The following NDUFA10 variants were observed in gnomAD, a reference collection of about 807,000 sequenced individuals.
The protein encoded by NDUFA10 is NADH dehydrogenase [ubiquinone] 1 alpha subcomplex subunit 10, mitochondrial.
Under a neutral mutation model 47.8 loss-of-function variants are expected in NDUFA10, and 40 were observed. That is an observed-to-expected ratio of 0.84 (90% CI 0.65 to 1.09). The LOEUF (loss-of-function observed/expected upper bound fraction) is 1.09. Ranked by LOEUF, NDUFA10 falls within the 50% of genes least tolerant of loss-of-function variation. The pLI, the probability that NDUFA10 is intolerant of heterozygous loss-of-function variation, is 0.00. For missense variants in NDUFA10, 413 were observed against 451.1 expected, an observed-to-expected ratio of 0.92 and a Z score of 0.76; for synonymous variants, 183 against 172.2, an observed-to-expected ratio of 1.06 and a Z score of -0.49.
At chr2:239,897,627 C>A (rs1290127716) in intron 4 of NDUFA10, among the ~76,000 whole-genome samples, 1 of 152,242 alleles carries the variant, frequency 6.6e-6, no homozygotes, top group Admixed American at 6.5e-5. Context: ...GAGTCCCAGG[C>A]TTCCGGATTC....
chr2:239,914,598 C>A (rs1430669435), intron 4 of NDUFA10, among the ~76,000 whole-genome samples: 1 of 139,772 alleles, frequency 7.2e-6, no homozygotes, highest in Non-Finnish European at 1.5e-5. Flanking sequence ...CATACATAGA[C>A]ACACACAAAT....
intron 4 of NDUFA10, among the ~76,000 whole-genome samples, chr2:239,900,303 T>TGTAA (rs1693519653): frequency 9.1e-6 from 1 of 110,236 alleles, no homozygotes; most frequent in Non-Finnish European, 2.0e-5. Flanking sequence ...TACTCCTTAA[T>TGTAA]GAACTCCCCT....
chr2:239,997,516 T>G (rs1033012917), intron 8 of NDUFA10, among the ~76,000 whole-genome samples: 1 of 152,228 alleles, frequency 6.6e-6, no homozygotes, highest in Admixed American at 6.5e-5. Context: ...CAAGTATGAA[T>G]ACTGGTACAC....
chr2:239,950,726 G>A (rs1046947227), intron 4 of NDUFA10, among the ~76,000 whole-genome samples: 1 of 152,218 alleles, frequency 6.6e-6, no homozygotes, highest in African/African-American at 2.4e-5. Flanking sequence ...CCACGTGCAG[G>A]TGAGTGGCAG....
chr2:239,933,503 G>GTT (rs1171690518), intron 4 of NDUFA10, among the ~76,000 whole-genome samples: 3 of 129,876 alleles, frequency 2.3e-5, no homozygotes, highest in African/African-American at 9.4e-5. Context: ...AGCCTCCATG[G>GTT]TTTTTTTTTT....
intron 8 of NDUFA10, among the ~76,000 whole-genome samples, chr2:239,991,499 A>G (rs930338622): frequency 1.3e-5 from 2 of 152,196 alleles, no homozygotes; most frequent in Non-Finnish European, 2.9e-5. Context: ...ATATGCAAAT[A>G]TTTTTTAAAA....
At chr2:239,942,281 A>G (rs1268869692) in intron 4 of NDUFA10, among the ~76,000 whole-genome samples, 2 of 152,238 alleles carry the variant, frequency 1.3e-5, no homozygotes, top group African/African-American at 4.8e-5. Context: ...TGCTAAACAC[A>G]GATGCTGCTG....
Position 239,908,708 on chromosome 2 carries a change from C to A in NDUFA10, c.295-13394G>T, listed in dbSNP as rs146294166. On this transcript the variant is annotated intron_variant, in intron 4 of 5. Transcript: ENST00000419408. ...TGTTAACAGAGATCACTCCCTTATT[C>A]GCAATACATGAGGTACACTGAAAAG... is the stretch of plus-strand genomic sequence containing the variant. 3.3e-4 allele frequency among the ~76,000 whole-genome samples: 50 copies of A among 152,350 alleles called. No individual in the cohort carries two copies. The East Asian group carries it at 9.3e-3, about 28-fold the overall frequency.
intron 8 of NDUFA10, among the ~76,000 whole-genome samples, chr2:240,003,790 G>C (rs1446677873): frequency 6.6e-6 from 1 of 152,154 alleles, no homozygotes; most frequent in Non-Finnish European, 1.5e-5. Flanking sequence ...GCAGGGGGTG[G>C]GTGGTGGAGG....
At chr2:239,924,580 A>C (rs956396733) in intron 4 of NDUFA10, among the ~76,000 whole-genome samples, 10 of 151,872 alleles carry the variant, frequency 6.6e-5, no homozygotes, top group Admixed American at 3.3e-4. Flanking sequence ...AACATTTACC[A>C]AAAAAAAGAA....
At chr2:239,993,735 G>A (rs755697132) in intron 8 of NDUFA10, among the ~76,000 whole-genome samples, 1 of 152,196 alleles carries the variant, frequency 6.6e-6, no homozygotes, top group South Asian at 2.1e-4. Flanking sequence ...AGCAGTGTTA[G>A]AGACAAGGGA....
chr2:239,902,579 TGGAACTGAACCC>T (rs1693573018), intron 4 of NDUFA10, among the ~76,000 whole-genome samples: 1 of 152,220 alleles, frequency 6.6e-6, no homozygotes. Flanking sequence ...TGCAGTGGTC[TGGAACTGAACCC>T]GCAATACCCC....
In NDUFA10 at chr2:239,962,849, C is replaced by A. The variant is rs141776768; in HGVS notation, c.1000-1663G>T. ...GAGGCGGGTAGGGGGTGGGAGCTGCCATATACTTTAAAATGAGAGGTCGAC... is the reference window on the plus strand; with the variant it reads ...GAGGCGGGTAGGGGGTGGGAGCTGCAATATACTTTAAAATGAGAGGTCGAC... On this transcript the variant is annotated intron_variant, in intron 9 of 9. Coordinates refer to ENST00000252711, the MANE Select transcript of NDUFA10 (RefSeq NM_004544.4). 2.0e-5 allele frequency among the ~76,000 whole-genome samples: 3 copies of A among 151,984 alleles called. No homozygotes were observed. The South Asian group carries it at 6.2e-4, about 32-fold the overall frequency.
intron 9 of NDUFA10, chr2:239,982,210 G>C: frequency 6.2e-7 from 1 of 1,612,768 alleles, no homozygotes. Flanking sequence ...TGCGGGTAGG[G>C]GATCCCCAGC....
intron 4 of NDUFA10, among the ~76,000 whole-genome samples, chr2:239,934,296 C>T (rs1445761022): frequency 6.6e-6 from 1 of 152,176 alleles, no homozygotes; most frequent in East Asian, 1.9e-4. Flanking sequence ...GAGTCACTGC[C>T]ATGTTGGGAG....
In NDUFA10 at chr2:239,959,043, T is replaced by A; in HGVS notation, c.*2075A>T. 1 of 985,476 alleles carries A rather than the reference T, an allele frequency of 1.0e-6. No individual in the cohort carries two copies. The highest frequency in any genetic ancestry group is 1.2e-6 in the Non-Finnish European group (1 of 829,934). 61.0% of individuals were successfully genotyped at this position (985,476 alleles called of 1,614,324 possible). A position where few individuals can be genotyped will look rare whatever the true frequency, so the allele number is the denominator to read the frequency against. On this transcript the variant is annotated 3_prime_UTR_variant, in exon 10 of 10. Transcript: ENST00000252711. The stretch of plus-strand genomic sequence containing the variant: ...CTCACCTCTTCTTGAGGCTTCTATG[T>A]GGAGAGAAGAATTGGACAGTGTTTA...
At chr2:239,909,919 A>T (rs901752363) in intron 4 of NDUFA10, among the ~76,000 whole-genome samples, 8 of 152,096 alleles carry the variant, frequency 5.3e-5, no homozygotes, top group African/African-American at 1.9e-4. Flanking sequence ...AAAGGCAGAC[A>T]AAAGAAGACA....
chr2:239,956,865 C>T (rs374917639), downstream of NDUFA10, among the ~76,000 whole-genome samples: 13 of 152,304 alleles, frequency 8.5e-5, no homozygotes, highest in South Asian at 2.7e-3. Flanking sequence ...TGACTCCTGC[C>T]CCAGCCAGCT....
At chr2:239,908,506 G>A (rs1301176646) in intron 4 of NDUFA10, among the ~76,000 whole-genome samples, 1 of 152,140 alleles carries the variant, frequency 6.6e-6, no homozygotes, top group African/African-American at 2.4e-5. Context: ...TGACAGTGCC[G>A]CCCACTGCTA....
Sources: gnomAD v4.1 joint callset for allele counts (sites outside exome capture counted in the v4.1 genomes callset) on GRCh38, gnomAD v4.1.1 for gene constraint, MANE v1.5 for transcripts, NCBI Gene and HGNC (gene_info 2026-07-23, HGNC 2026-07-21) for gene names.